Variants in RGS20 observed in about 807,000 individuals in gnomAD.
RGS20 encodes the protein regulator of G protein signaling 20.
A neutral mutation model predicts 33.6 loss-of-function variants in RGS20; 30 were observed. The observed-to-expected ratio is 0.89, with a 90% confidence interval of 0.67 to 1.21. The LOEUF is 1.21. Ranked by LOEUF, RGS20 falls within the 50% of genes most tolerant of loss-of-function variation. RGS20 has a pLI of 0.00. For synonymous variants in RGS20, 208 were observed against 197.9 expected (o/e 1.05, Z -0.43); for missense variants, 472 against 502.4 (o/e 0.94, Z 0.58).
rs563916151 is a variant in RGS20 at position 53,880,765 on chromosome 8, CG to C, written c.510+1168del. On this transcript the variant is annotated intron_variant, in intron 2 of 5. Coordinates refer to ENST00000297313, the MANE Select transcript of RGS20 (RefSeq NM_170587.4). ...GGAGGTCGCGCCCCGCGTGGGGCCT[CG>C]GGGGTACCCCTAGCACCCGCGGCGG... The C allele has an allele frequency of 6.4e-4, 661 of 1,035,860 alleles. 8 individuals carry two copies. The African/African-American group carries it at 0.01, about 16-fold the overall frequency. 64.2% of individuals were successfully genotyped at this position (1,035,860 alleles called of 1,614,324 possible).
chr8:53,918,323 A>G (rs1233075839), intron 2 of RGS20, among the ~76,000 whole-genome samples: 1 of 152,146 alleles, frequency 6.6e-6, no homozygotes, highest in African/African-American at 2.4e-5. Context: ...TATAAATGGA[A>G]TCATACATTA....
chr8:53,933,882 G>A (rs932188791), intron 2 of RGS20, among the ~76,000 whole-genome samples: 9 of 152,186 alleles, frequency 5.9e-5, no homozygotes, highest in African/African-American at 2.2e-4. Context: ...CCCACAAAGG[G>A]AAGCCCATCA....
At chr8:53,936,464 AAGAG>A (rs1814139297) in intron 2 of RGS20, among the ~76,000 whole-genome samples, 1 of 152,100 alleles carries the variant, frequency 6.6e-6, no homozygotes, top group Admixed American at 6.6e-5. Flanking sequence ...AACAGACAAA[AAGAG>A]AGCCAAATCA....
At chr8:53,857,686 G>A (rs895783349) in intron 1 of RGS20, among the ~76,000 whole-genome samples, 6 of 152,182 alleles carry the variant, frequency 3.9e-5, no homozygotes, top group Non-Finnish European at 7.3e-5. Flanking sequence ...GTGCAGATAT[G>A]ACATTCAAAA....
At chr8:53,895,810 A>C (rs1812840835) in intron 2 of RGS20, among the ~76,000 whole-genome samples, 1 of 151,834 alleles carries the variant, frequency 6.6e-6, no homozygotes, top group African/African-American at 2.4e-5. Flanking sequence ...ATGCCTGGCT[A>C]ATTTCCTTGT....
intron 1 of RGS20, among the ~76,000 whole-genome samples, chr8:53,878,820 C>A (rs1812265225): frequency 1.3e-5 from 2 of 152,074 alleles, no homozygotes; most frequent in African/African-American, 4.8e-5. Context: ...AAGGGAAGAC[C>A]AGAGAAGGGA....
chr8:53,879,368 A>T lies in RGS20; in HGVS notation c.276A>T (p.Arg92=). Reference sequence around the variant, plus strand: ...GGTTCTTCTCTCACCTTCTCCGGCGACCCCCTCCCGAGGCTCCCCGGAGGC... The same window carrying T: ...GGTTCTTCTCTCACCTTCTCCGGCGTCCCCCTCCCGAGGCTCCCCGGAGGC... Residue 92 remains arginine (R), a synonymous_variant, in exon 2 of 6, where the codon CGA becomes CGT. Coordinates refer to ENST00000297313, the MANE Select transcript of RGS20 (RefSeq NM_170587.4). The T allele has an allele frequency of 6.2e-7, 1 of 1,607,460 alleles. No homozygotes were observed. Among genetic ancestry groups the T allele is most frequent in the Non-Finnish European group, 8.5e-7 (1 of 1,178,840 alleles).
At position 53,914,318 on chromosome 8, in the gene RGS20, A is replaced by T. The variant is rs146243020; in HGVS notation, c.511-25258A>T. The stretch of plus-strand genomic sequence containing the variant: ...GGAGCTGGGATTACAGGCCCTTCTT[A>T]GTTCTTTGATGCCAATCCAATTTTA... On this transcript the variant is annotated intron_variant, in intron 2 of 5. Transcript: ENST00000297313. Among the ~76,000 whole-genome samples the T allele has an allele frequency of 1.1e-3, 162 of 152,158 alleles. 1 individual carries two copies. The highest frequency in any genetic ancestry group is 3.7e-3 in the African/African-American group (155 of 41,502).
Position 53,877,658 on chromosome 8 carries a change from A to G in RGS20, c.166-1600A>G, listed in dbSNP as rs969268434. Among the ~76,000 whole-genome samples the G allele has an allele frequency of 6.6e-6, 1 of 152,248 alleles. No homozygotes were observed. Among genetic ancestry groups the G allele is most frequent in the Non-Finnish European group, 1.5e-5 (1 of 68,042 alleles). On this transcript the variant is annotated intron_variant, in intron 1 of 5. Transcript: ENST00000297313. This position sits in a 1 kb window ranked among gnomAD's most constrained non-coding sequence, Gnocchi z 5.7. ...TTGCCAGAGAGCGGGGGAGGGGAGC[A>G]GCTGAACGAGGAGAATGAAAATACT...
chr8:53,870,837 G>A (rs1353170366), intron 1 of RGS20, among the ~76,000 whole-genome samples: 1 of 151,988 alleles, frequency 6.6e-6, no homozygotes, highest in Non-Finnish European at 1.5e-5. Flanking sequence ...TATAGGCCAG[G>A]TGCGGTGACT....
intron 5 of RGS20, among the ~76,000 whole-genome samples, chr8:53,954,813 G>A (rs1814816186): frequency 6.7e-6 from 1 of 149,270 alleles, no homozygotes; most frequent in Non-Finnish European, 1.5e-5. Context: ...TCAGCCTCCA[G>A]AGTAGCTGGG....
chr8:53,883,805 G>T (rs991443520), intron 2 of RGS20, among the ~76,000 whole-genome samples: 1 of 152,042 alleles, frequency 6.6e-6, no homozygotes, highest in African/African-American at 2.4e-5. Flanking sequence ...AATTAGCCGG[G>T]TGTGGTTGCT....
rs1410878081 is a variant in RGS20, at chr8:53,864,763, G to A, written c.165+12699G>A. Among the ~76,000 whole-genome samples the A allele has an allele frequency of 6.6e-5, 10 of 152,232 alleles. 1 individual carries two copies. In the South Asian group the frequency reaches 1.7e-3, roughly 25 times the overall value. ...TCTGATTAAGGTCAGAGATCATATG[G>A]TATTTCTTGATGTCTTCAAACTGAA... On this transcript the variant is annotated intron_variant, in intron 1 of 5. Coordinates refer to ENST00000297313, the MANE Select transcript of RGS20 (RefSeq NM_170587.4).
At chr8:53,900,492 AT>A (rs919056672) in intron 2 of RGS20, among the ~76,000 whole-genome samples, 3 of 152,178 alleles carry the variant, frequency 2.0e-5, no homozygotes, top group African/African-American at 4.8e-5. Flanking sequence ...TACTCATCGT[AT>A]TTTTACATTA....
intron 2 of RGS20, among the ~76,000 whole-genome samples, chr8:53,931,335 T>C (rs181067202): frequency 6.6e-6 from 1 of 152,230 alleles, no homozygotes; most frequent in Non-Finnish European, 1.5e-5. Flanking sequence ...GGTGGGCAGA[T>C]CATGAGGTCA....
intron 1 of RGS20, among the ~76,000 whole-genome samples, chr8:53,853,532 C>T (rs1283823951): frequency 2.0e-5 from 3 of 152,148 alleles, no homozygotes; most frequent in African/African-American, 7.2e-5. Flanking sequence ...CTACTGGCTC[C>T]TTCACTCAGT....
chr8:53,864,174 C>T (rs1177045595), intron 1 of RGS20, among the ~76,000 whole-genome samples: 5 of 151,840 alleles, frequency 3.3e-5, no homozygotes, highest in Non-Finnish European at 5.9e-5. Flanking sequence ...ACCTGTAATC[C>T]CAGCACTTTG....
chr8:53,865,913 T>A (rs1052740645), intron 1 of RGS20, among the ~76,000 whole-genome samples: 3 of 152,210 alleles, frequency 2.0e-5, no homozygotes, highest in African/African-American at 4.8e-5. Flanking sequence ...GGCCAACTGC[T>A]TAGGGTTTTG....
intron 1 of RGS20, among the ~76,000 whole-genome samples, chr8:53,858,869 A>G (rs1811741781): frequency 7.1e-6 from 1 of 140,700 alleles, no homozygotes; most frequent in Non-Finnish European, 1.5e-5. Flanking sequence ...AAAAATATCC[A>G]GCAATGGAAC....
Sources: allele counts gnomAD v4.1 joint callset (sites outside exome capture counted in the v4.1 genomes callset), GRCh38; gene constraint gnomAD v4.1.1; non-coding constraint Gnocchi (gnomAD v3.1); transcripts MANE v1.5; gene names NCBI Gene and HGNC (gene_info 2026-07-23, HGNC 2026-07-21).